CAMK2D: variants seen among roughly 807,000 people sequenced by gnomAD.
CAMK2D encodes calcium/calmodulin dependent protein kinase II delta, also known as calcium/calmodulin-dependent protein kinase type II subunit delta.
CAMK2D carries 37 observed loss-of-function variants against 84.0 expected under a neutral mutation model. That is an observed-to-expected ratio of 0.44 (90% CI 0.34 to 0.58). CAMK2D has a LOEUF of 0.58. CAMK2D is among the 20% of genes least tolerant of loss of function. The pLI is 0.02. For missense variants in CAMK2D, 448 were observed against 652.5 expected (o/e 0.69, Z 3.41); for synonymous variants, 202 against 212.5 (o/e 0.95, Z 0.43).
At chr4:113,483,505 A>G (rs1476056876) in intron 16 of CAMK2D, among the ~76,000 whole-genome samples, 1 of 151,834 alleles carries the variant, frequency 6.6e-6, no homozygotes, top group Non-Finnish European at 1.5e-5. Flanking sequence ...TCCCGGGTTC[A>G]AGCGATTCTC....
chr4:113,469,017 A>G (rs1329211993), intron 16 of CAMK2D, among the ~76,000 whole-genome samples: 3 of 152,240 alleles, frequency 2.0e-5, no homozygotes, highest in Non-Finnish European at 4.4e-5. Context: ...GAGATGTTCC[A>G]GGTTCTGAGT....
chr4:113,658,829 T>C (rs1319637903), intron 3 of CAMK2D, among the ~76,000 whole-genome samples: 2 of 152,150 alleles, frequency 1.3e-5, no homozygotes, highest in Non-Finnish European at 2.9e-5. Context: ...ATCTCTCTTG[T>C]GGTTAGAAAT....
intron 16 of CAMK2D, among the ~76,000 whole-genome samples, chr4:113,488,780 G>A (rs1035091064): frequency 6.6e-6 from 1 of 152,140 alleles, no homozygotes; most frequent in African/African-American, 2.4e-5. Flanking sequence ...TATAGAGTGA[G>A]CTGATGTTTT....
chr4:113,729,432 T>C (rs1180867856), intron 2 of CAMK2D, among the ~76,000 whole-genome samples: 2 of 152,168 alleles, frequency 1.3e-5, no homozygotes, highest in East Asian at 1.9e-4. Flanking sequence ...CACTGGGCCT[T>C]TCCTTTGTTC....
intron 19 of CAMK2D, chr4:113,456,715 A>G (rs1280266228): frequency 6.6e-6 from 1 of 152,440 alleles, no homozygotes; most frequent in African/African-American, 2.4e-5. Flanking sequence ...ATGATTGGCT[A>G]AATGAGAATA....
intron 16 of CAMK2D, among the ~76,000 whole-genome samples, chr4:113,494,609 C>A (rs942388483): frequency 6.6e-6 from 1 of 152,238 alleles, no homozygotes; most frequent in Non-Finnish European, 1.5e-5. Flanking sequence ...CTGTGTCCTG[C>A]CCCCAGAGGT....
chr4:113,688,405 G>T (rs897745287), intron 2 of CAMK2D, among the ~76,000 whole-genome samples: 2 of 152,162 alleles, frequency 1.3e-5, no homozygotes, highest in East Asian at 1.9e-4. Context: ...TCAGTTAAAT[G>T]ACATGCTCTC....
Position 113,761,718 on chromosome 4 carries a change from A to G in CAMK2D, c.-650T>C. ...CTGCTCACGAGCCCGCGCGGCTTCA[A>G]GACGGCGCGGCGAGAGAAAGAGCGC... On this transcript the variant is annotated 5_prime_UTR_variant, in exon 1 of 21. Coordinates refer to ENST00000511664, the MANE Select transcript of CAMK2D (RefSeq NM_001321571.2). The G allele has an allele frequency of 1.1e-6, 1 of 919,744 alleles. No individual in the cohort carries two copies. The highest frequency in any genetic ancestry group is 1.8e-5 in the African/African-American group (1 of 55,908). The allele number at this position is 919,744 out of a possible 1,614,324, so 57.0% of individuals were successfully genotyped here. A position where few individuals can be genotyped will look rare whatever the true frequency, so the allele number is the denominator to read the frequency against.
chr4:113,461,865 A>G lies in CAMK2D; in HGVS notation c.1212-1624T>C, dbSNP rs76559375. Among the ~76,000 whole-genome samples the G allele has an allele frequency of 6.6e-3, 1,008 of 152,312 alleles. 10 individuals carry two copies. The highest frequency in any genetic ancestry group is 0.023 in the African/African-American group (963 of 41,562). On this transcript the variant is annotated intron_variant, in intron 17 of 20. Coordinates refer to ENST00000511664, the MANE Select transcript of CAMK2D (RefSeq NM_001321571.2). ...AAGTCTAACTCACTGTAGTTCCTCA[A>G]AGTGCAGTACTGTTTATAGAACGTG...
intron 3 of CAMK2D, among the ~76,000 whole-genome samples, chr4:113,632,504 T>G (rs2099093897): frequency 6.6e-6 from 1 of 151,900 alleles, no homozygotes; most frequent in Non-Finnish European, 1.5e-5. Context: ...ATTACAGGTG[T>G]GAGCCACCAC....
chr4:113,679,466 C>T (rs1024724831), intron 2 of CAMK2D: 1 of 975,976 alleles, frequency 1.0e-6, no homozygotes, highest in African/African-American at 1.8e-5. Context: ...ATATTCCAGC[C>T]ACATATTCTC....
chr4:113,561,439 A>G (rs1441310177), intron 4 of CAMK2D, among the ~76,000 whole-genome samples: 2 of 152,302 alleles, frequency 1.3e-5, no homozygotes, highest in South Asian at 2.1e-4. Flanking sequence ...ACACCACTGC[A>G]CTTCAGCCTG....
Position 113,452,187 on chromosome 4 carries a change from A to G in CAMK2D, c.*2358T>C, listed in dbSNP as rs1380038243. ...AAGGCTGGATTGGAGGGTACAGTTTAGAGAAGCTTTTAGGAGTCTTAGTTG... is the reference window on the plus strand; with the variant it reads ...AAGGCTGGATTGGAGGGTACAGTTTGGAGAAGCTTTTAGGAGTCTTAGTTG... On this transcript the variant is annotated 3_prime_UTR_variant, in exon 21 of 21. Transcript: ENST00000511664. 2 of 151,564 alleles carry G rather than the reference A, an allele frequency of 1.3e-5. No individual in the cohort carries two copies. Among genetic ancestry groups the G allele is most frequent in the African/African-American group, 4.8e-5 (2 of 41,404 alleles). 9.4% of individuals were successfully genotyped at this position (151,564 alleles called of 1,614,324 possible). A position where few individuals can be genotyped will look rare whatever the true frequency, so the allele number is the denominator to read the frequency against.
intron 16 of CAMK2D, among the ~76,000 whole-genome samples, chr4:113,477,920 T>C (rs1051469592): frequency 1.3e-5 from 2 of 152,198 alleles, no homozygotes; most frequent in South Asian, 4.1e-4. Flanking sequence ...TAAATTACCA[T>C]AAATTATGAA....
chr4:113,758,062 T>A (rs1427870892), intron 2 of CAMK2D, among the ~76,000 whole-genome samples: 4 of 152,210 alleles, frequency 2.6e-5, no homozygotes, highest in Admixed American at 1.3e-4. Context: ...AGATTCTAAC[T>A]ACACATTTTC....
chr4:113,509,633 CT>C lies in CAMK2D; in HGVS notation c.984+4del. 6.3e-7 allele frequency: 1 copy of C among 1,594,890 alleles called. No individual in the cohort carries two copies. The highest frequency in any genetic ancestry group is 8.6e-7 in the Non-Finnish European group (1 of 1,162,496). On this transcript the variant is annotated splice_donor_region_variant and intron_variant, in intron 13 of 20. Coordinates refer to ENST00000511664, the MANE Select transcript of CAMK2D (RefSeq NM_001321571.2). ...AAATGGATTAGGGGCATCTGTTTAA[CT>C]TACCTTTACTCCATCTGGTTTCTTC...
intron 9 of CAMK2D, among the ~76,000 whole-genome samples, 172 bp downstream of exon 9, chr4:113,517,391 C>T (rs1028332855): frequency 3.3e-5 from 5 of 152,034 alleles, no homozygotes; most frequent in African/African-American, 4.8e-5. Flanking sequence ...TAAAAGGAAA[C>T]GTAAACTGGA....
chr4:113,508,710 G>T (rs2098166141), intron 13 of CAMK2D, among the ~76,000 whole-genome samples: 1 of 152,192 alleles, frequency 6.6e-6, no homozygotes, highest in Non-Finnish European at 1.5e-5. Flanking sequence ...AAATTTCCAA[G>T]TTGCACACAG....
intron 2 of CAMK2D, among the ~76,000 whole-genome samples, chr4:113,744,694 C>T (rs1415227748): frequency 1.3e-5 from 2 of 152,120 alleles, no homozygotes; most frequent in Non-Finnish European, 2.9e-5. Flanking sequence ...TTGATTATCA[C>T]AGTTTTATAG....
Sources: gnomAD v4.1 joint callset for allele counts (sites outside exome capture counted in the v4.1 genomes callset) on GRCh38, gnomAD v4.1.1 for gene constraint, MANE v1.5 for transcripts, NCBI Gene and HGNC (gene_info 2026-07-23, HGNC 2026-07-21) for gene names.